PTPRT: variants seen among roughly 807,000 people sequenced by gnomAD.
PTPRT encodes the protein protein tyrosine phosphatase receptor type T.
In PTPRT, 56 loss-of-function variants were observed where a neutral mutation model predicts 176.8. The ratio of observed to expected loss-of-function variants is 0.32; its 90% CI spans 0.26 to 0.40. The LOEUF (loss-of-function observed/expected upper bound fraction) is 0.40. PTPRT is among the 10% of genes least tolerant of loss of function. PTPRT has a pLI of 1.00. For synonymous variants in PTPRT, 783 were observed against 739.0 expected (o/e 1.06, Z -0.96); for missense variants, 1,540 against 1,908.2 (o/e 0.81, Z 3.60).
intron 11 of PTPRT, among the ~76,000 whole-genome samples, chr20:42,344,059 C>G (rs1482003913): frequency 6.6e-6 from 1 of 152,162 alleles, no homozygotes; most frequent in Non-Finnish European, 1.5e-5. Context: ...GCCACCACAC[C>G]CAACGCATTT....
chr20:42,085,914 C>A, intron 27 of PTPRT, 61 bp from the exon 28 acceptor site: 1 of 1,464,782 alleles, frequency 6.8e-7, no homozygotes, highest in Non-Finnish European at 9.3e-7. Context: ...ATCAAAGTCT[C>A]ATTTATCAAC....
chr20:42,089,408 C>A, intron 27 of PTPRT, among the ~76,000 whole-genome samples: 1 of 152,156 alleles, frequency 6.6e-6, no homozygotes, highest in Admixed American at 6.5e-5. Flanking sequence ...ACACAAGGTG[C>A]ATGGATCCAA....
chr20:42,760,133 C>A (rs186692518), intron 5 of PTPRT, among the ~76,000 whole-genome samples: 273 of 152,268 alleles, frequency 1.8e-3, no homozygotes, highest in African/African-American at 6.2e-3. Context: ...GAGGAGGAAA[C>A]TTCTTACTTG....
intron 1 of PTPRT, among the ~76,000 whole-genome samples, chr20:42,935,435 T>C (rs561512938): frequency 1.3e-5 from 2 of 152,132 alleles, no homozygotes; most frequent in Non-Finnish European, 2.9e-5. Context: ...CCACTGCACC[T>C]GGCCTGCCAT....
At chr20:43,186,318 C>G (rs1323013285) in intron 1 of PTPRT, among the ~76,000 whole-genome samples, 4 of 152,236 alleles carry the variant, frequency 2.6e-5, no homozygotes, top group Non-Finnish European at 4.4e-5. Flanking sequence ...ACCAGGCTGC[C>G]TCCTGAGTTA....
intron 1 of PTPRT, among the ~76,000 whole-genome samples, chr20:43,138,350 C>T (rs1242335925): frequency 6.6e-6 from 1 of 152,244 alleles, no homozygotes; most frequent in African/African-American, 2.4e-5. Flanking sequence ...GGGCTGCCGG[C>T]GTGGCTCGGA....
chr20:42,160,652 A>G (rs1291279134), intron 17 of PTPRT, among the ~76,000 whole-genome samples: 5 of 152,204 alleles, frequency 3.3e-5, no homozygotes, highest in Non-Finnish European at 5.9e-5. Flanking sequence ...AGGAACTTAT[A>G]AGAAGAACAA....
intron 8 of PTPRT, among the ~76,000 whole-genome samples, chr20:42,448,843 C>T (rs561376951): frequency 7.6e-5 from 11 of 145,158 alleles, no homozygotes; most frequent in Admixed American, 1.4e-4. Context: ...CTAACACGAA[C>T]GATAGTTCAT....
chr20:42,166,669 A>G (rs1989837722), intron 16 of PTPRT, among the ~76,000 whole-genome samples: 1 of 152,226 alleles, frequency 6.6e-6, no homozygotes, highest in South Asian at 2.1e-4. Context: ...CTGTAATCCC[A>G]GCAATTTGGG....
intron 9 of PTPRT, among the ~76,000 whole-genome samples, chr20:42,419,606 T>A (rs1239643206): frequency 2.0e-5 from 3 of 152,056 alleles, no homozygotes; most frequent in African/African-American, 7.2e-5. Flanking sequence ...GAGTACTCCT[T>A]TTATCCCCCT....
At chr20:42,411,517 C>CAAAAAAAAAAAAAA (rs10591184) in intron 9 of PTPRT, among the ~76,000 whole-genome samples, 2 of 88,342 alleles carry the variant, frequency 2.3e-5, no homozygotes, top group African/African-American at 4.5e-5. Context: ...AACCCTGTCT[C>CAAAAAAAAAAAAAA]AAAAAAAAAA....
At chr20:42,298,365 G>A (rs959585186) in intron 12 of PTPRT, among the ~76,000 whole-genome samples, 3 of 152,146 alleles carry the variant, frequency 2.0e-5, no homozygotes, top group Non-Finnish European at 2.9e-5. Flanking sequence ...AAGGCAGTGA[G>A]GAAACAGTCA....
the PTPRT span, among the ~76,000 whole-genome samples, chr20:42,038,429 G>T: frequency 6.6e-6 from 1 of 152,168 alleles, no homozygotes; most frequent in African/African-American, 2.4e-5. Flanking sequence ...GTCCAACTTG[G>T]GGGATGTGGG....
chr20:42,593,740 G>A (rs2073620279), intron 7 of PTPRT, among the ~76,000 whole-genome samples: 1 of 152,172 alleles, frequency 6.6e-6, no homozygotes, highest in Non-Finnish European at 1.5e-5. Flanking sequence ...TCCAGTACCA[G>A]GAAGGGACAC....
chr20:42,873,489 G>A (rs1339414740), intron 2 of PTPRT, among the ~76,000 whole-genome samples: 1 of 152,132 alleles, frequency 6.6e-6, no homozygotes, highest in Admixed American at 6.5e-5. Context: ...TAATAATCTA[G>A]GAGAGTATTG....
chr20:43,112,270 C>T (rs1022095272), intron 1 of PTPRT, among the ~76,000 whole-genome samples: 2 of 152,164 alleles, frequency 1.3e-5, no homozygotes, highest in Non-Finnish European at 2.9e-5. Flanking sequence ...CACACACCCA[C>T]CCTAAAAGTC....
chr20:43,083,320 G>GTA (rs779087395), intron 1 of PTPRT, among the ~76,000 whole-genome samples: 48 of 37,356 alleles, frequency 1.3e-3, no homozygotes, highest in Non-Finnish European at 2.6e-3. Flanking sequence ...CACTTCAAAT[G>GTA]TATATATATA....
intron 17 of PTPRT, among the ~76,000 whole-genome samples, chr20:42,156,063 GC>G: frequency 6.6e-6 from 1 of 152,166 alleles, no homozygotes; most frequent in East Asian, 1.9e-4. Flanking sequence ...AACCTGCTGT[GC>G]CCACCCCTGT....
intron 14 of PTPRT, among the ~76,000 whole-genome samples, chr20:42,242,250 G>A (rs1415045886): frequency 6.6e-6 from 1 of 152,194 alleles, no homozygotes; most frequent in Non-Finnish European, 1.5e-5. Flanking sequence ...AATGCTTAAT[G>A]TTGACATTTA....
Sources: allele counts gnomAD v4.1 joint callset (sites outside exome capture counted in the v4.1 genomes callset), GRCh38; gene constraint gnomAD v4.1.1; transcripts MANE v1.5; gene names NCBI Gene and HGNC (gene_info 2026-07-23, HGNC 2026-07-21).